The following PGS1 variants were observed in gnomAD, a reference collection of about 807,000 sequenced individuals.
PGS1 encodes the protein phosphatidylglycerophosphate synthase 1, also known as CDP-diacylglycerol--glycerol-3-phosphate 3-phosphatidyltransferase, mitochondrial.
PGS1 carries 44 observed loss-of-function variants against 58.3 expected under a neutral mutation model. That is an observed-to-expected ratio of 0.75 (90% CI 0.59 to 0.97). The LOEUF (loss-of-function observed/expected upper bound fraction) is 0.97, where lower values mean the gene tolerates loss of function less well. Ranked by LOEUF, PGS1 falls within the 50% of genes least tolerant of loss-of-function variation. The pLI, the probability that PGS1 is intolerant of heterozygous loss-of-function variation, is 0.00. For missense variants in PGS1, 684 were observed against 731.1 expected (o/e 0.94, Z 0.74); for synonymous variants, 330 against 311.0 (o/e 1.06, Z -0.64).
intron 1 of PGS1, among the ~76,000 whole-genome samples, chr17:78,380,209 A>G (rs1456058598): frequency 6.6e-6 from 1 of 152,164 alleles, no homozygotes; most frequent in Non-Finnish European, 1.5e-5. Context: ...ATCTTTAAAA[A>G]AAAAAATCTT....
At chr17:78,399,133 C>T (rs573400179) in intron 4 of PGS1, among the ~76,000 whole-genome samples, 16 of 152,322 alleles carry the variant, frequency 1.1e-4, no homozygotes, top group East Asian at 1.9e-4. Context: ...GAAGAGCAGG[C>T]GTCTGCCACG....
Position 78,398,335 on chromosome 17 carries a change from C to A in PGS1, c.495C>A (p.Phe165Leu). Residue 165 changes from phenylalanine (F) to leucine (L), a missense_variant, in exon 4 of 10, where the codon TTC becomes TTA. Phe to Leu is a conservative substitution (Grantham distance 22). Transcript: ENST00000262764. ...SNLKVSILLD[F>L]TRGSRGRKNS... ...TCAAGGTCTCCATTCTCTTAGACTT[C>A]ACGCGGGGCTCACGAGGTAGGTGGC... 1 of 1,613,440 alleles carries A rather than the reference C, an allele frequency of 6.2e-7. No individual in the cohort carries two copies. Among genetic ancestry groups the A allele is most frequent in the Non-Finnish European group, 8.5e-7 (1 of 1,179,412 alleles).
chr17:78,409,028 C>T (rs1239687822), intron 7 of PGS1, among the ~76,000 whole-genome samples: 1 of 152,210 alleles, frequency 6.6e-6, no homozygotes, highest in East Asian at 1.9e-4. Flanking sequence ...TGCCAGTAAG[C>T]TCGCTTCGAG....
chr17:78,401,731 G>A (rs148512099), intron 6 of PGS1, among the ~76,000 whole-genome samples: 6 of 152,312 alleles, frequency 3.9e-5, no homozygotes, highest in East Asian at 1.9e-4. Flanking sequence ...TCTGCCTGCC[G>A]CCATGCACTG....
intron 2 of PGS1, among the ~76,000 whole-genome samples, chr17:78,395,780 C>T (rs183999085): frequency 6.6e-6 from 1 of 152,248 alleles, no homozygotes; most frequent in Non-Finnish European, 1.5e-5. Flanking sequence ...GCTCTGTTGC[C>T]CAGGCTGGAG....
chr17:78,419,519 C>G (rs776882151), intron 8 of PGS1, 27 bp from the exon 9 acceptor site: 23 of 1,606,160 alleles, frequency 1.4e-5, no homozygotes, highest in Non-Finnish European at 1.8e-5. Flanking sequence ...GGACTCCTCA[C>G]TATTCCTGTC....
chr17:78,418,033 G>A (rs974170815), intron 8 of PGS1, among the ~76,000 whole-genome samples: 2 of 149,746 alleles, frequency 1.3e-5, no homozygotes, highest in Non-Finnish European at 3.0e-5. Flanking sequence ...GGGTTCAAGC[G>A]ATTCTCCTGC....
chr17:78,423,319 G>A (rs1053089390), intron 9 of PGS1, among the ~76,000 whole-genome samples: 4 of 152,252 alleles, frequency 2.6e-5, no homozygotes, highest in Non-Finnish European at 4.4e-5. Flanking sequence ...TTGTGGGAAC[G>A]GCTTGTTCTT....
intron 1 of PGS1, among the ~76,000 whole-genome samples, chr17:78,386,571 A>G (rs574523161): frequency 2.6e-5 from 4 of 152,324 alleles, no homozygotes; most frequent in Admixed American, 6.5e-5. Flanking sequence ...AGTTCTCTAA[A>G]TGGTGAATGT....
chr17:78,420,312 C>T (rs747145495), intron 9 of PGS1: 300 of 797,928 alleles, frequency 3.8e-4, no homozygotes, highest in Non-Finnish European at 4.5e-4. Flanking sequence ...TGGGGTCCCA[C>T]AGTCACCTGA....
intron 1 of PGS1, among the ~76,000 whole-genome samples, chr17:78,389,632 G>T (rs1244152353): frequency 4.0e-5 from 5 of 125,586 alleles, no homozygotes; most frequent in Admixed American, 2.5e-4. Context: ...CTTTTTTTTT[G>T]AGACGAAGTC....
In PGS1 at chr17:78,424,288, C is replaced by T. The variant is rs990803232; in HGVS notation, c.*238C>T. ...ACCCCAAAAGGCTTCAGGCCAGCTG[C>T]CACGGCTGGAAGCAGAGGCCTTCGT... On this transcript the variant is annotated 3_prime_UTR_variant, in exon 10 of 10. Transcript: ENST00000262764. 15 of 1,175,294 alleles carry T rather than the reference C, an allele frequency of 1.3e-5. No homozygotes were observed. The highest frequency in any genetic ancestry group is 1.6e-5 in the Non-Finnish European group (14 of 861,540). The allele number at this position is 1,175,294 out of a possible 1,614,324, so 72.8% of individuals were successfully genotyped here.
chr17:78,393,794 G>A (rs989750383), intron 2 of PGS1, among the ~76,000 whole-genome samples: 16 of 152,086 alleles, frequency 1.1e-4, no homozygotes, highest in African/African-American at 3.9e-4. Flanking sequence ...TGCCACATCT[G>A]GTTATTCTGG....
chr17:78,399,430 G>A lies in PGS1; in HGVS notation c.594G>A (p.Pro198=), dbSNP rs1217202129. The A allele has an allele frequency of 2.5e-6, 4 of 1,613,924 alleles. No individual in the cohort carries two copies. The highest frequency in any genetic ancestry group is 1.3e-5 in the African/African-American group (1 of 74,936). Residue 198 remains proline, a synonymous_variant, in exon 5 of 10, where the codon CCG becomes CCA. Transcript: ENST00000262764. ...TCCGAGTCTCCCTCTTTCACACGCC[G>A]CACCTCCGTGGGCTGCTTCGGCTCC... ...EQVRVSLFHT[P]HLRGLLRLLI...
chr17:78,414,270 C>G (rs1749673905), intron 7 of PGS1, among the ~76,000 whole-genome samples: 1 of 152,226 alleles, frequency 6.6e-6, no homozygotes, highest in Admixed American at 6.5e-5. Flanking sequence ...CCTGTTCTTA[C>G]CAGCCACTTT....
chr17:78,412,818 A>T (rs915989893), intron 7 of PGS1, among the ~76,000 whole-genome samples: 28 of 152,254 alleles, frequency 1.8e-4, no homozygotes, highest in Non-Finnish European at 8.8e-5. Flanking sequence ...CACTGTTTTA[A>T]GAGGCTGATC....
At chr17:78,392,729 C>T in intron 2 of PGS1, 64 bp downstream of exon 2, 1 of 1,290,830 alleles carries the variant, frequency 7.7e-7, no homozygotes, top group Non-Finnish European at 1.1e-6. Flanking sequence ...TTGGTGAGTC[C>T]TGAGTGCTTT....
chr17:78,390,835 G>T (rs190116912), intron 1 of PGS1, among the ~76,000 whole-genome samples: 107 of 152,286 alleles, frequency 7.0e-4, no homozygotes, highest in Non-Finnish European at 1.0e-3. Context: ...TGTGGAGTCC[G>T]CTGGGGTGCA....
intron 6 of PGS1, among the ~76,000 whole-genome samples, chr17:78,402,598 A>C (rs1368903273): frequency 1.3e-5 from 2 of 151,970 alleles, no homozygotes; most frequent in East Asian, 3.9e-4. Flanking sequence ...CAGGCACACA[A>C]CACCACACCT....
Sources: allele counts gnomAD v4.1 joint callset (sites outside exome capture counted in the v4.1 genomes callset), GRCh38; gene constraint gnomAD v4.1.1; transcripts MANE v1.5; gene names NCBI Gene and HGNC (gene_info 2026-07-23, HGNC 2026-07-21).